DZIP1L: variants seen among roughly 807,000 people sequenced by gnomAD.
DZIP1L encodes DAZ interacting zinc finger protein 1 like, also known as cilium assembly protein DZIP1L.
Under a neutral mutation model 88.7 loss-of-function variants are expected in DZIP1L, and 90 were observed. The ratio of observed to expected loss-of-function variants is 1.02; its 90% confidence interval spans 0.86 to 1.21. DZIP1L has a LOEUF of 1.21. Among genes scored for constraint, DZIP1L ranks in the 50% most tolerant of loss-of-function variants. The pLI is 0.00. For missense variants in DZIP1L, 932 were observed against 955.8 expected (o/e 0.98, Z 0.33); for synonymous variants, 363 against 372.1 (o/e 0.98, Z 0.28).
rs541576701 is a variant in DZIP1L at position 138,068,052 on chromosome 3, C to A, written c.1832+99G>T. 71 of 1,097,850 alleles carry A rather than the reference C, an allele frequency of 6.5e-5. No individual in the cohort carries two copies. In the African/African-American group the frequency reaches 9.8e-4, roughly 15 times the overall value. The allele number at this position is 1,097,850 out of a possible 1,614,324, so 68.0% of individuals were successfully genotyped here. On this transcript the variant is annotated intron_variant, in intron 13 of 15. Transcript: ENST00000327532. ...CTTCTATTCACATGTGTCTGCCCCC[C>A]TCCTATCTGCAGAAGCCTGGAGGGA...
chr3:138,101,145 T>TA, intron 2 of DZIP1L, among the ~76,000 whole-genome samples: 1 of 152,042 alleles, frequency 6.6e-6, no homozygotes, highest in East Asian at 1.9e-4. Context: ...TACTCATCCT[T>TA]ACATACACTC....
At chr3:138,077,994 A>G (rs1943491423) in intron 10 of DZIP1L, among the ~76,000 whole-genome samples, 1 of 152,196 alleles carries the variant, frequency 6.6e-6, no homozygotes, top group Non-Finnish European at 1.5e-5. Context: ...AGCATATATC[A>G]GAATCACCTG....
rs147693171 is a variant in DZIP1L, at chr3:138,103,363, C to A, written c.501+108G>T. ...ATCTGCTCCTAACCAGTGAGAACAGCCCCCCAGCAGCCTTAAGGTCCCAGC... is the reference window on the plus strand; with the variant it reads ...ATCTGCTCCTAACCAGTGAGAACAGACCCCCAGCAGCCTTAAGGTCCCAGC... On this transcript the variant is annotated intron_variant, in intron 2 of 15. Transcript: ENST00000327532. The A allele has an allele frequency of 2.6e-3, 3,351 of 1,272,352 alleles. 20 individuals are homozygous for A. The highest frequency in any genetic ancestry group is 0.014 in the Middle Eastern group (54 of 3,738). 78.8% of individuals were successfully genotyped at this position (1,272,352 alleles called of 1,614,324 possible).
At chr3:138,102,714 G>A in intron 2 of DZIP1L, 9 of 840,840 alleles carry the variant, frequency 1.1e-5, no homozygotes, top group Admixed American at 1.7e-5. Context: ...GGCTCTGGTT[G>A]ACAGTGATGG....
chr3:138,078,401 C>A (rs1943507408), intron 10 of DZIP1L, among the ~76,000 whole-genome samples: 1 of 152,186 alleles, frequency 6.6e-6, no homozygotes, highest in African/African-American at 2.4e-5. Flanking sequence ...CCAAGGACCT[C>A]ACTCACAATC....
chr3:138,070,928 G>C (rs1943148504), intron 12 of DZIP1L, among the ~76,000 whole-genome samples: 1 of 152,152 alleles, frequency 6.6e-6, no homozygotes. Flanking sequence ...TCAAACCTGG[G>C]AACACAAATA....
Position 138,077,448 on chromosome 3 carries a change from A to T in DZIP1L, c.1422+51T>A, listed in dbSNP as rs544840017. 6.9e-5 allele frequency: 111 copies of T among 1,605,972 alleles called. 3 individuals are homozygous for T. The South Asian group carries it at 1.2e-3, about 17-fold the overall frequency. On this transcript the variant is annotated intron_variant, in intron 11 of 15. Transcript: ENST00000327532. The stretch of plus-strand genomic sequence containing the variant: ...ATCATTTGTCTGTCTGAGAACACTT[A>T]GTGTCTAAATCGTAGGTATCAGCCC...
At chr3:138,097,655 A>G in intron 3 of DZIP1L, 108 bp downstream of exon 3, 1 of 984,060 alleles carries the variant, frequency 1.0e-6, no homozygotes, top group African/African-American at 1.6e-5. Flanking sequence ...TTGGACAGTG[A>G]GGTTCTGAGA....
chr3:138,089,038 A>C, intron 5 of DZIP1L: 1 of 985,518 alleles, frequency 1.0e-6, no homozygotes, highest in Non-Finnish European at 1.2e-6. Flanking sequence ...AATTGGATCA[A>C]AGAGAGGATG....
chr3:138,088,358 A>G (rs375147730), intron 6 of DZIP1L, 21 bp downstream of exon 6: 1 of 1,594,750 alleles, frequency 6.3e-7, no homozygotes, highest in East Asian at 2.2e-5. Context: ...CTGGGAAGAA[A>G]GGCATGGAGC....
chr3:138,107,348 C>G (rs938539381), intron 1 of DZIP1L, among the ~76,000 whole-genome samples: 3 of 152,168 alleles, frequency 2.0e-5, no homozygotes, highest in Non-Finnish European at 4.4e-5. Flanking sequence ...CAGTCCCCTT[C>G]CCTCTTGCTC....
rs576248016 is a variant in DZIP1L at position 138,073,679 on chromosome 3, T to C, written c.1423-1844A>G. On this transcript the variant is annotated intron_variant, in intron 11 of 15. Transcript: ENST00000327532. The stretch of plus-strand genomic sequence containing the variant: ...GGTTCTTTAACACCCACAAAAATCA[T>C]ACCAGCTCACCAGCAATGGATCCAA... 3.9e-5 allele frequency among the ~76,000 whole-genome samples: 6 copies of C among 152,120 alleles called. No individual in the cohort carries two copies. In the South Asian group the frequency reaches 1.0e-3, roughly 26 times the overall value.
chr3:138,068,494 A>G (rs1576434195), intron 12 of DZIP1L, 127 bp from the exon 13 acceptor site: 1 of 667,018 alleles, frequency 1.5e-6, no homozygotes, highest in Non-Finnish European at 2.3e-6. Context: ...TGTAATAACC[A>G]CAGCAGATTT....
chr3:138,077,254 G>C (rs1264381383), intron 11 of DZIP1L, among the ~76,000 whole-genome samples: 4 of 152,214 alleles, frequency 2.6e-5, no homozygotes, highest in Non-Finnish European at 5.9e-5. Context: ...TGAGCAATCA[G>C]GACTCAGGGT....
At chr3:138,066,608 A>G (rs1576429675) in intron 14 of DZIP1L, among the ~76,000 whole-genome samples, 1 of 152,106 alleles carries the variant, frequency 6.6e-6, no homozygotes, top group South Asian at 2.1e-4. Flanking sequence ...TTCCCTCATC[A>G]GTGCTGTGAG....
rs1274369698 is a variant in DZIP1L, at chr3:138,062,374, G to T, written c.*442C>A. ...GGCTAGAGAGCCTGGCGCAGAGTAG[G>T]TAGGCACTCAGTAAATAATTTTGGA... On this transcript the variant is annotated 3_prime_UTR_variant, in exon 16 of 16. Transcript: ENST00000327532. The T allele has an allele frequency of 6.1e-6, 1 of 163,488 alleles. No individual in the cohort carries two copies. Among genetic ancestry groups the T allele is most frequent in the Admixed American group, 5.7e-5 (1 of 17,638 alleles). The allele number at this position is 163,488 out of a possible 1,614,324, so 10.1% of individuals were successfully genotyped here.
intron 4 of DZIP1L, among the ~76,000 whole-genome samples, chr3:138,094,057 C>A (rs1009829054): frequency 5.9e-5 from 9 of 152,222 alleles, no homozygotes; most frequent in Non-Finnish European, 7.3e-5. Context: ...TAAACTTAAT[C>A]ATTTCTACCT....
rs556442722 is a variant in DZIP1L, at chr3:138,077,689, G to T, written c.1289-57C>A. ...TGGGCACCTGAGTTCTCCATTCCCAGAGCCCTACTGCACCTGCCGAGCCCT... is the reference window on the plus strand; with the variant it reads ...TGGGCACCTGAGTTCTCCATTCCCATAGCCCTACTGCACCTGCCGAGCCCT... On this transcript the variant is annotated intron_variant, in intron 10 of 15. Coordinates refer to ENST00000327532, the MANE Select transcript of DZIP1L (RefSeq NM_173543.3). The T allele has an allele frequency of 1.4e-3, 2,249 of 1,603,582 alleles. 8 individuals are homozygous for T. Among genetic ancestry groups the T allele is most frequent in the South Asian group, 3.9e-3 (349 of 90,194 alleles).
intron 11 of DZIP1L, among the ~76,000 whole-genome samples, 168 bp from the exon 12 acceptor site, chr3:138,072,003 G>A (rs1435421041): frequency 6.6e-6 from 1 of 152,186 alleles, no homozygotes; most frequent in African/African-American, 2.4e-5. Flanking sequence ...GTAAGCAGCG[G>A]CTTCAAAGTT....
Sources: gnomAD v4.1 joint callset for allele counts (sites outside exome capture counted in the v4.1 genomes callset) on GRCh38, gnomAD v4.1.1 for gene constraint, MANE v1.5 for transcripts, NCBI Gene and HGNC (gene_info 2026-07-23, HGNC 2026-07-21) for gene names.